FBN3: variants seen among roughly 807,000 people sequenced by gnomAD.
The protein encoded by FBN3 is fibrillin-3.
FBN3 carries 234 observed loss-of-function variants against 330.1 expected under a neutral mutation model. The ratio of observed to expected loss-of-function variants is 0.71; its 90% CI spans 0.64 to 0.79. The LOEUF is 0.79. Among genes scored for constraint, FBN3 ranks in the 30% least tolerant of loss-of-function variants. FBN3 has a pLI of 0.00. For synonymous variants in FBN3, 1,458 were observed against 1,517.3 expected (o/e 0.96, Z 0.91); for missense variants, 3,606 against 3,886.9 (o/e 0.93, Z 1.92).
intron 21 of FBN3, 114 bp from the exon 22 acceptor site, chr19:8,126,131 G>A (rs1339475682): frequency 6.7e-7 from 1 of 1,492,940 alleles, no homozygotes; most frequent in East Asian, 2.3e-5. Flanking sequence ...CGGGGACACG[G>A]GGACTGGGGA....
rs1164669344 is a variant in FBN3, at chr19:8,130,615, A to AG, written c.2044+619dup. ...AAGAAAGAAAGAAAGAAAGAAAGAA[A>AG]GAAAGAAAGAAAGAAAGAAAGAAAG... On this transcript the variant is annotated intron_variant, in intron 16 of 63. Transcript: ENST00000600128. Among the ~76,000 whole-genome samples, 14 of 10,098 alleles carry AG rather than the reference A, an allele frequency of 1.4e-3. 2 individuals are homozygous for AG. The highest frequency in any genetic ancestry group is 4.6e-3 in the African/African-American group (5 of 1,082). The allele number at this position is 10,098 out of a possible 152,430, so 6.6% of individuals were successfully genotyped here. A position where few individuals can be genotyped will look rare whatever the true frequency, so the allele number is the denominator to read the frequency against.
intron 57 of FBN3, among the ~76,000 whole-genome samples, chr19:8,082,067 A>C (rs1344203800): frequency 6.6e-6 from 1 of 151,962 alleles, no homozygotes; most frequent in East Asian, 1.9e-4. Context: ...AGGTTCAAAC[A>C]ATTCTCCTGC....
intron 56 of FBN3, 121 bp from the exon 57 acceptor site, chr19:8,083,493 C>A (rs2081857012): frequency 8.4e-7 from 1 of 1,188,466 alleles, no homozygotes; most frequent in South Asian, 1.4e-5. Flanking sequence ...CCCTTCCACA[C>A]CGGCCACTGC....
At chr19:8,119,582 C>T (rs1187656508) in intron 25 of FBN3, among the ~76,000 whole-genome samples, 1 of 152,040 alleles carries the variant, frequency 6.6e-6, no homozygotes, top group African/African-American at 2.4e-5. Flanking sequence ...GACACGATCT[C>T]GGCTCACTGC....
In FBN3 at chr19:8,138,489, C is replaced by T. The variant is rs767575799; in HGVS notation, c.941G>A (p.Arg314His). The T allele has an allele frequency of 1.2e-5, 20 of 1,613,054 alleles. No homozygotes were observed. Among genetic ancestry groups the T allele is most frequent in the Admixed American group, 6.7e-5 (4 of 59,982 alleles). Residue 314 changes from arginine to histidine, a missense_variant, in exon 9 of 64, where the codon CGC becomes CAC. Coordinates refer to ENST00000600128, the MANE Select transcript of FBN3 (RefSeq NM_032447.5). ...CAGDLAGHYT[R>H]RQCCCDRGRC... ...GCCCCTGTCACAGCAGCACTGCCTGCGAGTGTAGTGGCCGGCGAGGTCTCC... is the reference window on the plus strand; with the variant it reads ...GCCCCTGTCACAGCAGCACTGCCTGTGAGTGTAGTGGCCGGCGAGGTCTCC...
chr19:8,080,076 T>C lies in FBN3; in HGVS notation c.7453+927A>G, dbSNP rs569386064. On this transcript the variant is annotated intron_variant, in intron 59 of 63. Coordinates refer to ENST00000600128, the MANE Select transcript of FBN3 (RefSeq NM_032447.5). The stretch of plus-strand genomic sequence containing the variant: ...GTCCCAAGACTCTTCTCTGCCAATA[T>C]AGTGCAAAAGCAGCCACAGGTGATT... Among the ~76,000 whole-genome samples, 37 of 152,368 alleles carry C rather than the reference T, an allele frequency of 2.4e-4. No individual in the cohort carries two copies. In the East Asian group the frequency reaches 6.4e-3, roughly 26 times the overall value.
chr19:8,117,501 G>A lies in FBN3; in HGVS notation c.3426C>T (p.Ala1142=), dbSNP rs139062839. 9,810 of 1,559,808 alleles carry A rather than the reference G, an allele frequency of 6.3e-3. 40 individuals are homozygous for A. The highest frequency in any genetic ancestry group is 7.9e-3 in the Non-Finnish European group (9,131 of 1,151,458). The change falls in exon 27 of 64, where the codon GCC becomes GCT. Residue 1142 remains alanine, a synonymous_variant. Transcript: ENST00000600128. ...VIGAFQCSCH[A]GFQSTPDRQG... ...GGCGGTCAGGTGTGCTCTGGAAGCC[G>A]GCATGGCAGGAGCACTGGAAGGCAC... is the stretch of plus-strand genomic sequence containing the variant.
intron 31 of FBN3, 81 bp downstream of exon 31, chr19:8,111,896 T>G: frequency 4.4e-6 from 2 of 455,926 alleles, no homozygotes; most frequent in Non-Finnish European, 5.9e-6. Context: ...GATCCCACCC[T>G]CCCACTGCCT....
At position 8,125,432 on chromosome 19, in the gene FBN3, A is replaced by C. The variant is rs575340673; in HGVS notation, c.2731+460T>G. Among the ~76,000 whole-genome samples the C allele has an allele frequency of 5.5e-5, 8 of 146,408 alleles. No homozygotes were observed. The East Asian group carries it at 1.2e-3, about 23-fold the overall frequency. ...CTGTCTCAAGAAAAAAGAAAAAAAAACCCACCCAAATGTCTTTCATGATAT... is the reference window on the plus strand; with the variant it reads ...CTGTCTCAAGAAAAAAGAAAAAAAACCCCACCCAAATGTCTTTCATGATAT... On this transcript the variant is annotated intron_variant, in intron 22 of 63. Coordinates refer to ENST00000600128, the MANE Select transcript of FBN3 (RefSeq NM_032447.5).
chr19:8,094,636 C>T, intron 46 of FBN3, 71 bp from the exon 47 acceptor site: 2 of 1,521,604 alleles, frequency 1.3e-6, no homozygotes, highest in Non-Finnish European at 1.8e-6. Context: ...CTGGGACCAA[C>T]ACCTGCAATC....
At chr19:8,135,936 G>GGGGCCACCCCCCCCCCCCCC in intron 13 of FBN3, 25 bp downstream of exon 13, 1 of 668,778 alleles carries the variant, frequency 1.5e-6, no homozygotes, top group Non-Finnish European at 2.4e-6. Flanking sequence ...GGAAGCCCCT[G>GGGGCCACCCCCCCCCCCCCC]CCCACCCGCC....
chr19:8,125,980 G>T lies in FBN3; in HGVS notation c.2643C>A (p.Pro881=). The T allele has an allele frequency of 6.2e-7, 1 of 1,613,954 alleles. No homozygotes were observed. The highest frequency in any genetic ancestry group is 8.5e-7 in the Non-Finnish European group (1 of 1,180,002). ...NECESFPGVC[P]NGRCVNTAGS... is the part of the protein sequence containing the mutation. ...CAGCAGTGTTGACGCAACGCCCGTT[G>T]GGACAGACTCCCGGGAAGGACTCAC... The change falls in exon 22 of 64, where the codon CCC becomes CCA. Residue 881 remains proline, a synonymous_variant. Coordinates refer to ENST00000600128, the MANE Select transcript of FBN3 (RefSeq NM_032447.5).
intron 25 of FBN3, among the ~76,000 whole-genome samples, chr19:8,120,553 A>C (rs927746240): frequency 6.6e-6 from 1 of 151,634 alleles, no homozygotes; most frequent in African/African-American, 2.4e-5. Flanking sequence ...CAAAAGTGCG[A>C]TTATGGTTCA....
rs777143813 is a variant in FBN3, at chr19:8,129,385, T to A, written c.2045-20A>T. 5 of 1,612,600 alleles carry A rather than the reference T, an allele frequency of 3.1e-6. No individual in the cohort carries two copies. The highest frequency in any genetic ancestry group is 4.2e-6 in the Non-Finnish European group (5 of 1,179,334). ...TGATGTCTGCGGCAGGAGGAGGGTG[T>A]GTCAGCAGCAGCAGAAGGAGGGTGT... On this transcript the variant is annotated intron_variant, in intron 16 of 63. Coordinates refer to ENST00000600128, the MANE Select transcript of FBN3 (RefSeq NM_032447.5). The surrounding 1 kb of genome is among the most constrained non-coding windows in gnomAD (Gnocchi z 4.5).
rs1267759877 is a variant in FBN3, at chr19:8,130,627, A to G, written c.2044+608T>C. Among the ~76,000 whole-genome samples, 171 of 29,524 alleles carry G rather than the reference A, an allele frequency of 5.8e-3. 50 individuals carry two copies. The highest frequency in any genetic ancestry group is 7.3e-3 in the Non-Finnish European group (109 of 14,970). 19.4% of individuals were successfully genotyped at this position (29,524 alleles called of 152,430 possible). Reference sequence around the variant, plus strand: ...AAGAAAGAAAGAAAGAAAGAAAGAAAGAAAGAAAGAAAGAAAGGAAAGGAA... The same window carrying G: ...AAGAAAGAAAGAAAGAAAGAAAGAAGGAAAGAAAGAAAGAAAGGAAAGGAA... On this transcript the variant is annotated intron_variant, in intron 16 of 63. Coordinates refer to ENST00000600128, the MANE Select transcript of FBN3 (RefSeq NM_032447.5).
intron 10 of FBN3, among the ~76,000 whole-genome samples, chr19:8,136,825 ACCTCCAACCTGGGGCCTGGATC>A (rs2083293186): frequency 8.8e-6 from 1 of 113,110 alleles, no homozygotes; most frequent in African/African-American, 3.7e-5. Flanking sequence ...GGGTCTAGAT[ACCTCCAACCTGGGGCCTGGATC>A]CCTCCAACCT....
At chr19:8,128,176 G>A (rs2083039644) in intron 18 of FBN3, among the ~76,000 whole-genome samples, 1 of 152,206 alleles carries the variant, frequency 6.6e-6, no homozygotes, top group Admixed American at 6.5e-5. Flanking sequence ...AAACTCTGTA[G>A]TTCGAGTAGG....
At chr19:8,104,867 T>C (rs1190389558) in intron 38 of FBN3, among the ~76,000 whole-genome samples, 1 of 152,072 alleles carries the variant, frequency 6.6e-6, no homozygotes, top group Non-Finnish European at 1.5e-5. Flanking sequence ...GAAATTTGAA[T>C]TTTATATAAC....
Position 8,123,928 on chromosome 19 carries a change from C to T in FBN3, c.2812G>A (p.Val938Ile), listed in dbSNP as rs35840170. ...ACGGCCCCGATGGAGCAGCAGCAGA[C>T]GTCCATCCGGTACTTGCCAGGCAGG... ...VTLPGKYRMD[V>I]CCCSIGAVWG... Residue 938 changes from valine (V) to isoleucine (I), a missense_variant, in exon 23 of 64, where the codon GTC (valine) becomes ATC (isoleucine). Coordinates refer to ENST00000600128, the MANE Select transcript of FBN3 (RefSeq NM_032447.5). The T allele has an allele frequency of 0.047, 76,285 of 1,614,010 alleles. 3,315 individuals are homozygous for T. The highest frequency in any genetic ancestry group is 0.21 in the East Asian group (9,467 of 44,852).
Sources: gnomAD v4.1 joint callset for allele counts (sites outside exome capture counted in the v4.1 genomes callset) on GRCh38, gnomAD v4.1.1 for gene constraint, Gnocchi (gnomAD v3.1) non-coding constraint, MANE v1.5 for transcripts, NCBI Gene and HGNC (gene_info 2026-07-23, HGNC 2026-07-21) for gene names.